Variants in CPVL observed in about 807,000 individuals in gnomAD.
CPVL encodes the protein probable serine carboxypeptidase CPVL.
CPVL carries 51 observed loss-of-function variants against 63.7 expected under a neutral mutation model. The observed-to-expected ratio is 0.80, with a 90% confidence interval of 0.64 to 1.01. The LOEUF is 1.01. Ranked by LOEUF, CPVL falls within the 50% of genes least tolerant of loss-of-function variation. The pLI is 0.00. For missense variants in CPVL, 530 were observed against 573.1 expected (o/e 0.92, Z 0.77); for synonymous variants, 195 against 206.0 (o/e 0.95, Z 0.46).
intron 1 of CPVL, among the ~76,000 whole-genome samples, chr7:29,142,135 T>C (rs1024524517): frequency 1.3e-5 from 2 of 152,244 alleles, no homozygotes; most frequent in Non-Finnish European, 2.9e-5. Context: ...ACTTTACTAG[T>C]GCAGATATGG....
At chr7:29,043,732 T>C (rs1385769839) in intron 11 of CPVL, among the ~76,000 whole-genome samples, 1 of 152,168 alleles carries the variant, frequency 6.6e-6, no homozygotes, top group Non-Finnish European at 1.5e-5. Flanking sequence ...GATTGACTCA[T>C]GGCAGGAGTG....
chr7:29,053,382 G>A (rs975686505), intron 11 of CPVL, among the ~76,000 whole-genome samples: 26 of 152,126 alleles, frequency 1.7e-4, no homozygotes, highest in Admixed American at 1.5e-3. Flanking sequence ...ATAGAATGTG[G>A]TATAACCATA....
At chr7:29,008,466 G>T (rs1309330475) in intron 12 of CPVL, among the ~76,000 whole-genome samples, 4 of 152,138 alleles carry the variant, frequency 2.6e-5, no homozygotes, top group Non-Finnish European at 5.9e-5. Flanking sequence ...ACGTTTAAAC[G>T]ACAACAATTT....
intron 1 of CPVL, among the ~76,000 whole-genome samples, chr7:29,136,509 A>G (rs770496553): frequency 1.6e-4 from 25 of 152,182 alleles, no homozygotes; most frequent in Non-Finnish European, 3.4e-4. Flanking sequence ...ACCTTGTTGA[A>G]TAAGTCAATA....
intron 12 of CPVL, among the ~76,000 whole-genome samples, chr7:29,020,704 T>C (rs1195273096): frequency 6.6e-6 from 1 of 151,908 alleles, no homozygotes; most frequent in Non-Finnish European, 1.5e-5. Flanking sequence ...ATGAAAAGAA[T>C]AGCAGGAAGA....
At chr7:29,082,932 G>T (rs1405067355) in intron 7 of CPVL, among the ~76,000 whole-genome samples, 1 of 152,160 alleles carries the variant, frequency 6.6e-6, no homozygotes, top group Non-Finnish European at 1.5e-5. Context: ...TTCTGTGGGA[G>T]GTGGAGAATG....
chr7:29,069,808 G>GTC (rs2128573235), intron 9 of CPVL, among the ~76,000 whole-genome samples: 1 of 132,772 alleles, frequency 7.5e-6, no homozygotes, highest in South Asian at 2.3e-4. Context: ...GTGTGTGTGT[G>GTC]TGTGTGTGTG....
At chr7:29,039,436 A>T (rs923205666) in intron 11 of CPVL, among the ~76,000 whole-genome samples, 3 of 152,354 alleles carry the variant, frequency 2.0e-5, no homozygotes, top group African/African-American at 2.4e-5. Context: ...ACACTCTATA[A>T]GCACAGATTT....
chr7:29,131,711 C>T (rs943292441), intron 1 of CPVL, among the ~76,000 whole-genome samples: 2 of 152,204 alleles, frequency 1.3e-5, no homozygotes, highest in African/African-American at 4.8e-5. Context: ...TGGAATTTTG[C>T]CATGTTGGCC....
At chr7:29,193,252 G>A (rs1339981586) in intron 1 of CPVL, 1 of 151,908 alleles carries the variant, frequency 6.6e-6, no homozygotes, top group African/African-American at 2.4e-5. Flanking sequence ...ATAGTATCCT[G>A]GAGGGATTTT....
chr7:29,128,417 T>A (rs886943579), intron 1 of CPVL, among the ~76,000 whole-genome samples: 3 of 152,066 alleles, frequency 2.0e-5, no homozygotes, highest in African/African-American at 7.2e-5. Context: ...TCATGAGTGG[T>A]GACAAAACTC....
chr7:29,109,451 A>G (rs1214419728), intron 3 of CPVL, among the ~76,000 whole-genome samples: 4 of 152,174 alleles, frequency 2.6e-5, no homozygotes, highest in Non-Finnish European at 5.9e-5. Flanking sequence ...CCTATGACAG[A>G]CAATGAACTA....
chr7:29,078,106 TA>T (rs1361057384), intron 7 of CPVL, among the ~76,000 whole-genome samples: 1 of 151,886 alleles, frequency 6.6e-6, no homozygotes, highest in East Asian at 1.9e-4. Flanking sequence ...CTGCTGCAAT[TA>T]AAAAAAAGAG....
intron 6 of CPVL, among the ~76,000 whole-genome samples, chr7:29,091,734 G>T (rs1343708739): frequency 6.6e-6 from 1 of 152,172 alleles, no homozygotes; most frequent in Non-Finnish European, 1.5e-5. Flanking sequence ...CAGAGGGAGA[G>T]ATCTTTGGGA....
At chr7:29,126,890 C>T (rs1342117306) in intron 1 of CPVL, 1 of 152,188 alleles carries the variant, frequency 6.6e-6, no homozygotes, top group East Asian at 1.9e-4. Context: ...CCCTGGACAA[C>T]ACTCTTGAAG....
At chr7:29,146,339 A>G in intron 1 of CPVL, 90 bp downstream of exon 1, 1 of 500,162 alleles carries the variant, frequency 2.0e-6, no homozygotes, top group Non-Finnish European at 3.5e-6. Context: ...TTTTGAGACT[A>G]CCTGCCCCGC....
chr7:29,170,821 C>T (rs1796503795), intron 5 of CPVL, among the ~76,000 whole-genome samples: 1 of 152,134 alleles, frequency 6.6e-6, no homozygotes, highest in African/African-American at 2.4e-5. Context: ...CGAGGAGGAG[C>T]AAGTCACATC....
At chr7:29,154,006 T>C (rs1793995946) in intron 5 of CPVL, among the ~76,000 whole-genome samples, 3 of 152,228 alleles carry the variant, frequency 2.0e-5, no homozygotes. Context: ...AGTAGGCTAT[T>C]AGTAGTTAAG....
At chr7:29,086,091 A>G (rs1785172398) in intron 7 of CPVL, among the ~76,000 whole-genome samples, 1 of 152,198 alleles carries the variant, frequency 6.6e-6, no homozygotes, top group African/African-American at 2.4e-5. Flanking sequence ...CAGGAGTTCA[A>G]GACCAGCCTG....
Sources: allele counts gnomAD v4.1 joint callset (sites outside exome capture counted in the v4.1 genomes callset), GRCh38; gene constraint gnomAD v4.1.1; transcripts MANE v1.5; gene names NCBI Gene and HGNC (gene_info 2026-07-23, HGNC 2026-07-21).